COL6A6: variants seen among roughly 807,000 people sequenced by gnomAD.
COL6A6 encodes collagen alpha-6(VI) chain.
In COL6A6, 183 loss-of-function variants were observed where a neutral mutation model predicts 208.6. That is an observed-to-expected ratio of 0.88 (90% confidence interval 0.78 to 0.99). The LOEUF is 0.99. Ranked by LOEUF, COL6A6 falls within the 50% of genes least tolerant of loss-of-function variation. COL6A6 has a pLI of 0.00. For missense variants in COL6A6, 2,816 were observed against 2,815.2 expected, an observed-to-expected ratio of 1.00 and a Z score of -0.01; for synonymous variants, 973 against 1,011.8, an observed-to-expected ratio of 0.96 and a Z score of 0.73.
Position 130,658,803 on chromosome 3 carries a change from C to A in COL6A6, c.5830+31C>A. Reference sequence around the variant, plus strand: ...ACCCACAGAGAGAAGGTAATTTGGTCAGGCCTATTAAGCATGATGAGTCAC... The same window carrying A: ...ACCCACAGAGAGAAGGTAATTTGGTAAGGCCTATTAAGCATGATGAGTCAC... On this transcript the variant is annotated intron_variant, in intron 34 of 36. Transcript: ENST00000358511. 3 of 1,523,554 alleles carry A rather than the reference C, an allele frequency of 2.0e-6. No individual in the cohort carries two copies. In the South Asian group the frequency reaches 3.5e-5, roughly 18 times the overall value. 94.4% of individuals were successfully genotyped at this position (1,523,554 alleles called of 1,614,324 possible). A position where few individuals can be genotyped will look rare whatever the true frequency, so the allele number is the denominator to read the frequency against.
At position 130,593,384 on chromosome 3, in the gene COL6A6, C is replaced by T. The variant is rs781377823; in HGVS notation, c.4470+132C>T. The T allele has an allele frequency of 1.6e-4, 113 of 716,050 alleles. 1 individual carries two copies. The highest frequency in any genetic ancestry group is 1.4e-4 in the Admixed American group (6 of 43,936). The allele number at this position is 716,050 out of a possible 1,614,324, so 44.4% of individuals were successfully genotyped here. On this transcript the variant is annotated intron_variant, in intron 17 of 36. Coordinates refer to ENST00000358511, the MANE Select transcript of COL6A6 (RefSeq NM_001102608.3). ...GTCATAAAACCTCAATCACATACAA[C>T]GATGAACATTTATTTCTTATGTTTC...
Position 130,594,264 on chromosome 3 carries a change from A to G in COL6A6, c.4471-17A>G, listed in dbSNP as rs1452228081. 1 of 1,593,482 alleles carries G rather than the reference A, an allele frequency of 6.3e-7. No individual in the cohort carries two copies. The highest frequency in any genetic ancestry group is 1.7e-5 in the Admixed American group (1 of 59,750). On this transcript the variant is annotated splice_polypyrimidine_tract_variant and intron_variant, in intron 17 of 36. Transcript: ENST00000358511. ...AACTTCTTGTCTTGTTTTTCTTCTG[A>G]TTTGTATTAACTTTAGGGAAGCCCA...
chr3:130,578,975 G>A (rs1274722323), intron 8 of COL6A6, among the ~76,000 whole-genome samples: 1 of 152,182 alleles, frequency 6.6e-6, no homozygotes, highest in Non-Finnish European at 1.5e-5. Context: ...GCAAATCTGG[G>A]AGGTATATAA....
chr3:130,642,288 T>TGTGTGTGTGTGTG (rs1553715909), intron 29 of COL6A6, among the ~76,000 whole-genome samples: 1 of 145,036 alleles, frequency 6.9e-6, no homozygotes, highest in African/African-American at 2.5e-5. Context: ...TGTGTGTGTA[T>TGTGTGTGTGTGTG]TTTTTGTTTT....
At chr3:130,658,874 C>T in intron 34 of COL6A6, 102 bp downstream of exon 34, 1 of 771,864 alleles carries the variant, frequency 1.3e-6, no homozygotes, top group Non-Finnish European at 2.2e-6. Flanking sequence ...TACTTATGGC[C>T]TTGGGAGGAC....
intron 31 of COL6A6, among the ~76,000 whole-genome samples, chr3:130,643,401 G>A (rs998235767): frequency 1.3e-5 from 2 of 152,154 alleles, no homozygotes; most frequent in Non-Finnish European, 1.5e-5. Flanking sequence ...AGAAGCAGCC[G>A]TGATAATAGG....
intron 33 of COL6A6, among the ~76,000 whole-genome samples, chr3:130,657,815 G>C (rs1316554350): frequency 6.6e-6 from 1 of 152,176 alleles, no homozygotes; most frequent in Admixed American, 6.5e-5. Flanking sequence ...CAGAGAAAGA[G>C]GGTAGTCATT....
At chr3:130,540,654 C>G (rs1030350582) in intron 1 of COL6A6, among the ~76,000 whole-genome samples, 3 of 152,162 alleles carry the variant, frequency 2.0e-5, no homozygotes, top group Non-Finnish European at 4.4e-5. Context: ...GCTCTCCTCC[C>G]TGACCCCACC....
chr3:130,610,751 T>C, intron 23 of COL6A6, 40 bp downstream of exon 23: 1 of 1,401,986 alleles, frequency 7.1e-7, no homozygotes, highest in Non-Finnish European at 9.9e-7. Context: ...ACTTTGATCT[T>C]GGCTTGATAT....
chr3:130,521,189 G>A (rs1359047273), intron 1 of COL6A6, among the ~76,000 whole-genome samples: 1 of 152,210 alleles, frequency 6.6e-6, no homozygotes, highest in Non-Finnish European at 1.5e-5. Flanking sequence ...TTTTGCCAGA[G>A]TTAGTTGGCA....
chr3:130,525,591 C>G (rs543607658), intron 1 of COL6A6, among the ~76,000 whole-genome samples: 1 of 152,196 alleles, frequency 6.6e-6, no homozygotes, highest in Admixed American at 6.5e-5. Flanking sequence ...TATGCTCTCC[C>G]ACAATTTAAA....
At chr3:130,614,798 G>A (rs540385016) in intron 23 of COL6A6, among the ~76,000 whole-genome samples, 2 of 152,094 alleles carry the variant, frequency 1.3e-5, no homozygotes, top group African/African-American at 4.8e-5. Flanking sequence ...TGTGTGCATA[G>A]AGGTGTTCAT....
At chr3:130,595,214 G>A (rs1365809003) in intron 18 of COL6A6, among the ~76,000 whole-genome samples, 1 of 151,924 alleles carries the variant, frequency 6.6e-6, no homozygotes, top group African/African-American at 2.4e-5. Flanking sequence ...CAATATATAG[G>A]GAATATGCCA....
At chr3:130,584,607 T>C (rs1430086811) in intron 10 of COL6A6, among the ~76,000 whole-genome samples, 1 of 152,042 alleles carries the variant, frequency 6.6e-6, no homozygotes, top group East Asian at 1.9e-4. Context: ...TTATTTTTTT[T>C]ATTTTTTAAA....
chr3:130,657,439 G>C (rs1332627167), intron 33 of COL6A6, among the ~76,000 whole-genome samples: 1 of 152,210 alleles, frequency 6.6e-6, no homozygotes, highest in East Asian at 1.9e-4. Flanking sequence ...GATGAAAATG[G>C]AAGTGAACTA....
chr3:130,641,605 C>T (rs1209708818), intron 28 of COL6A6, 47 bp from the exon 29 acceptor site: 2 of 934,678 alleles, frequency 2.1e-6, no homozygotes, highest in Non-Finnish European at 1.6e-6. Flanking sequence ...TACACACACA[C>T]ATACATATAT....
At chr3:130,547,449 A>G (rs796189601) in intron 1 of COL6A6, among the ~76,000 whole-genome samples, 4 of 152,270 alleles carry the variant, frequency 2.6e-5, no homozygotes, top group African/African-American at 9.6e-5. Flanking sequence ...CTCTCCCTCC[A>G]CACCTCCCTG....
At chr3:130,584,162 A>T (rs1465884158) in intron 10 of COL6A6, among the ~76,000 whole-genome samples, 1 of 152,094 alleles carries the variant, frequency 6.6e-6, no homozygotes, top group Non-Finnish European at 1.5e-5. Flanking sequence ...GGATCATGTG[A>T]CTCATTTATT....
chr3:130,656,122 C>T (rs1448538101), intron 33 of COL6A6, among the ~76,000 whole-genome samples: 3 of 152,230 alleles, frequency 2.0e-5, no homozygotes, highest in Admixed American at 2.0e-4. Context: ...CTGGGCTCCC[C>T]AGAGGGCTGC....
Sources: allele counts gnomAD v4.1 joint callset (sites outside exome capture counted in the v4.1 genomes callset), GRCh38; gene constraint gnomAD v4.1.1; transcripts MANE v1.5; gene names NCBI Gene and HGNC (gene_info 2026-07-23, HGNC 2026-07-21).